Variants in TPM1 observed in about 807,000 individuals in gnomAD.
TPM1 encodes tropomyosin alpha-1 chain.
Under a neutral mutation model 42.9 loss-of-function variants are expected in TPM1, and 24 were observed. The observed-to-expected ratio is 0.56, with a 90% CI of 0.41 to 0.79. TPM1 has a LOEUF of 0.79. Among genes scored for constraint, TPM1 ranks in the 30% least tolerant of loss-of-function variants. The pLI, the probability that TPM1 is intolerant of heterozygous loss-of-function variation, is 0.00. For missense variants in TPM1, 158 were observed against 351.8 expected, an observed-to-expected ratio of 0.45 and a Z score of 4.41; for synonymous variants, 136 against 130.1, an observed-to-expected ratio of 1.05 and a Z score of -0.31.
At chr15:63,070,286 G>T (rs1368205009), downstream of TPM1, 8 of 781,922 alleles carry the variant, frequency 1.0e-5, no homozygotes, top group Non-Finnish European at 1.2e-5. Context: ...CCTACTTTAA[G>T]TATGTATATA....
chr15:63,061,554 T>A, intron 5 of TPM1, 159 bp from the exon 6 acceptor site: 1 of 807,268 alleles, frequency 1.2e-6, no homozygotes, highest in Non-Finnish European at 2.1e-6. Flanking sequence ...GCAGTGTTCC[T>A]GGAAAACCTA....
intron 2 of TPM1, chr15:63,048,800 C>A (rs772483155): frequency 1.3e-6 from 2 of 1,481,614 alleles, no homozygotes; most frequent in African/African-American, 2.8e-5. Context: ...CCGCAGGCCC[C>A]GGTCCCTCGT....
chr15:63,066,647 T>C (rs770272906), downstream of TPM1, among the ~76,000 whole-genome samples: 1 of 152,242 alleles, frequency 6.6e-6, no homozygotes, highest in East Asian at 1.9e-4. Flanking sequence ...GTTTTGGTTA[T>C]TGTCGATCAT....
rs3218718 is a variant in TPM1, at chr15:63,064,183, A to T, written c.851+41A>T. Reference sequence around the variant, plus strand: ...CTCTGCCTGCTTACACCCTGCCCTCATGCTAATGTAATAAACTCACCACCA... The same window carrying T: ...CTCTGCCTGCTTACACCCTGCCCTCTTGCTAATGTAATAAACTCACCACCA... On this transcript the variant is annotated intron_variant, in intron 9 of 9. Transcript: ENST00000403994. The T allele has an allele frequency of 1.4e-3, 2,191 of 1,600,674 alleles. 30 individuals are homozygous for T. In the African/African-American group the frequency reaches 0.026, roughly 19 times the overall value.
chr15:63,069,859 G>A, downstream of TPM1: 1 of 1,613,974 alleles, frequency 6.2e-7, no homozygotes, highest in Non-Finnish European at 8.5e-7. Flanking sequence ...CCTGCTTGCT[G>A]ACCTGTACAG....
intron 2 of TPM1, among the ~76,000 whole-genome samples, chr15:63,054,189 A>G (rs1453035338): frequency 6.6e-6 from 1 of 152,098 alleles, no homozygotes; most frequent in African/African-American, 2.4e-5. Context: ...ACAAACTGGC[A>G]CCTAGAAACT....
Position 63,063,779 on chromosome 15 carries a change from T to G in TPM1, c.773-285T>G, listed in dbSNP as rs181092829. The G allele has an allele frequency of 1.1e-5, 4 of 376,720 alleles. No individual in the cohort carries two copies. The Admixed American group carries it at 1.7e-4, about 16-fold the overall frequency. The allele number at this position is 376,720 out of a possible 1,614,324, so 23.3% of individuals were successfully genotyped here. A position where few individuals can be genotyped will look rare whatever the true frequency, so the allele number is the denominator to read the frequency against. On this transcript the variant is annotated intron_variant, in intron 8 of 9. Transcript: ENST00000403994. ...AGCCTTCTGTGGTTTCGTTTACAAT[T>G]TAACATGGTTTACTGATATACCTAC...
chr15:63,048,441 C>G, intron 2 of TPM1: 3 of 1,351,452 alleles, frequency 2.2e-6, no homozygotes, highest in Non-Finnish European at 2.8e-6. Flanking sequence ...CCGCAGGGGG[C>G]GCCGCCATCG....
downstream of TPM1, chr15:63,070,147 C>T: frequency 7.0e-6 from 10 of 1,422,390 alleles, no homozygotes; most frequent in South Asian, 1.4e-5. Flanking sequence ...AATCACAAAA[C>T]AGCTTTTATG....
chr15:63,048,826 G>T (rs1221909766), intron 2 of TPM1: 2 of 1,294,610 alleles, frequency 1.5e-6, no homozygotes, highest in Non-Finnish European at 2.1e-6. Context: ...CGCCTCCAGG[G>T]CGCACCTGGC....
chr15:63,043,659 C>T, intron 1 of TPM1: 1 of 1,536,790 alleles, frequency 6.5e-7, no homozygotes, highest in Non-Finnish European at 8.7e-7. Context: ...GTGTGTCTAA[C>T]ACCCGGTCCG....
chr15:63,052,247 G>A (rs1290786562), intron 2 of TPM1, among the ~76,000 whole-genome samples: 1 of 152,218 alleles, frequency 6.6e-6, no homozygotes, highest in Non-Finnish European at 1.5e-5. Context: ...ACTTGGCTGG[G>A]TGCAGTGGCT....
chr15:63,048,580 CG>C (rs1566943480), intron 2 of TPM1: 1 of 1,527,888 alleles, frequency 6.5e-7, no homozygotes, highest in Admixed American at 2.0e-5. Context: ...GGCGCGATGG[CG>C]GGGAGTAGCT....
In TPM1 at chr15:63,042,931, C is replaced by G; in HGVS notation, c.102C>G (p.Asp34Glu). 1.9e-6 allele frequency: 3 copies of G among 1,599,686 alleles called. No individual in the cohort carries two copies. The highest frequency in any genetic ancestry group is 2.2e-5 in the South Asian group (2 of 89,154). Reference protein sequence around the residue: ...QAEADKKAAEDRSKQLEDELV... With the variant: ...QAEADKKAAEERSKQLEDELV... ...AGGCCGACAAGAAGGCGGCGGAAGA[C>G]AGGAGCAAGCAGGTCTGCGCCTCCC... The change falls in exon 1 of 10, where the codon GAC becomes GAG. Residue 34 changes from aspartate (D) to glutamate (E), a missense_variant. By Grantham distance (45) the Asp-to-Glu change is conservative. Transcript: ENST00000403994.
downstream of TPM1, among the ~76,000 whole-genome samples, chr15:63,067,029 TTAAC>T (rs2036317640): frequency 6.6e-6 from 1 of 152,250 alleles, no homozygotes; most frequent in Non-Finnish European, 1.5e-5. Flanking sequence ...AAATAGAACT[TTAAC>T]TAATATGGAC....
At chr15:63,048,462 C>G in intron 2 of TPM1, 1 of 1,383,166 alleles carries the variant, frequency 7.2e-7, no homozygotes, top group Non-Finnish European at 9.3e-7. Flanking sequence ...CACAGAGAGG[C>G]CTGGGCGGGG....
chr15:63,061,431 C>T, intron 5 of TPM1: 3 of 801,720 alleles, frequency 3.7e-6, no homozygotes, highest in Non-Finnish European at 6.4e-6. Flanking sequence ...CTTTATGCTC[C>T]TTTGTTTTCC....
intron 2 of TPM1, among the ~76,000 whole-genome samples, chr15:63,049,636 A>G (rs1414275201): frequency 6.6e-6 from 1 of 152,214 alleles, no homozygotes; most frequent in African/African-American, 2.4e-5. Flanking sequence ...TGTGCTTAAT[A>G]TACGGGGTTG....
chr15:63,066,061 C>T lies in TPM1; in HGVS notation c.*162C>T, dbSNP rs775923793. ...TGCTTTCTATTGTACAGAAGCTCTT[C>T]GTTTCAGTGTCAAATAAACACTGTG... is the stretch of plus-strand genomic sequence containing the variant. On this transcript the variant is annotated 3_prime_UTR_variant, in exon 10 of 10. Coordinates refer to ENST00000403994, the MANE Select transcript of TPM1 (RefSeq NM_001018005.2). The T allele has an allele frequency of 1.2e-4, 178 of 1,537,000 alleles. No individual in the cohort carries two copies. Among genetic ancestry groups the T allele is most frequent in the Non-Finnish European group, 1.4e-4 (163 of 1,145,640 alleles).
Sources: gnomAD v4.1 joint callset for allele counts (sites outside exome capture counted in the v4.1 genomes callset) on GRCh38, gnomAD v4.1.1 for gene constraint, MANE v1.5 for transcripts, NCBI Gene and HGNC (gene_info 2026-07-23, HGNC 2026-07-21) for gene names.